CNGA1: variants seen among roughly 807,000 people sequenced by gnomAD.
The protein encoded by CNGA1 is cyclic nucleotide gated channel subunit alpha 1, also known as cyclic nucleotide-gated channel alpha-1.
CNGA1 carries 53 observed loss-of-function variants against 69.7 expected under a neutral mutation model. The ratio of observed to expected loss-of-function variants is 0.76; its 90% CI spans 0.61 to 0.96. The LOEUF is 0.96. Ranked by LOEUF, CNGA1 falls within the 40% of genes least tolerant of loss-of-function variation. The pLI is 0.00. For missense variants in CNGA1, 739 were observed against 811.2 expected (o/e 0.91, Z 1.08); for synonymous variants, 249 against 283.5 (o/e 0.88, Z 1.22).
chr4:47,998,992 G>T (rs1453252106), intron 2 of CNGA1, among the ~76,000 whole-genome samples: 2 of 152,094 alleles, frequency 1.3e-5, no homozygotes, highest in African/African-American at 4.8e-5. Context: ...ATTATCAGAA[G>T]GTCAATAGTA....
rs536418532 is a variant in CNGA1, at chr4:47,976,260, CAT to C, written c.-15+5131_-15+5132del. Among the ~76,000 whole-genome samples the C allele has an allele frequency of 4.9e-3, 113 of 22,936 alleles. 7 individuals are homozygous for C. The highest frequency in any genetic ancestry group is 7.4e-3 in the African/African-American group (17 of 2,302). The allele number at this position is 22,936 out of a possible 152,430, so 15.0% of individuals were successfully genotyped here. A position where few individuals can be genotyped will look rare whatever the true frequency, so the allele number is the denominator to read the frequency against. ...ATATATGTATATATATATACACATA[CAT>C]ATATATATACATATATATGTATATA... On this transcript the variant is annotated intron_variant, in intron 3 of 10. Coordinates refer to ENST00000514170, the MANE Select transcript of CNGA1 (RefSeq NM_001379270.1).
At chr4:47,995,763 TTTGGG>T (rs1402582779) in intron 2 of CNGA1, among the ~76,000 whole-genome samples, 2 of 152,114 alleles carry the variant, frequency 1.3e-5, no homozygotes, top group Non-Finnish European at 2.9e-5. Context: ...TTCCTTCTCA[TTTGGG>T]TTGGCTCTAT....
Position 47,936,304 on chromosome 4 carries a change from T to TCCTCATGGAAAAATTTC in CNGA1, c.*100_*116dup, listed in dbSNP as rs1347622583. On this transcript the variant is annotated 3_prime_UTR_variant, in exon 11 of 11. Coordinates refer to ENST00000514170, the MANE Select transcript of CNGA1 (RefSeq NM_001379270.1). ...TTGTACCTTGCACCAAAGCACATTT[T>TCCTCATGGAAAAATTTC]CCTCATGGAAAAATTTCCCAACTGA... 1.8e-6 allele frequency: 2 copies of TCCTCATGGAAAAATTTC among 1,106,790 alleles called. No individual in the cohort carries two copies. Among genetic ancestry groups the TCCTCATGGAAAAATTTC allele is most frequent in the Non-Finnish European group, 2.7e-6 (2 of 741,950 alleles). 68.6% of individuals were successfully genotyped at this position (1,106,790 alleles called of 1,614,324 possible).
At chr4:47,991,040 C>A (rs902511897) in intron 2 of CNGA1, among the ~76,000 whole-genome samples, 2 of 152,122 alleles carry the variant, frequency 1.3e-5, no homozygotes, top group Admixed American at 6.6e-5. Flanking sequence ...ACCATGATCT[C>A]TTTATCCACT....
At chr4:47,951,213 G>A in intron 5 of CNGA1, 140 bp downstream of exon 5, 2 of 660,312 alleles carry the variant, frequency 3.0e-6, no homozygotes, top group South Asian at 3.1e-5. Flanking sequence ...TTTGATTATT[G>A]GAACGCTAAG....
At chr4:48,000,414 G>A (rs1714616763) in intron 2 of CNGA1, among the ~76,000 whole-genome samples, 1 of 151,088 alleles carries the variant, frequency 6.6e-6, no homozygotes, top group Non-Finnish European at 1.5e-5. Flanking sequence ...TTGTTGCCCA[G>A]GCTGGAGTGC....
At chr4:47,938,015 G>A (rs1738785046) in intron 10 of CNGA1, among the ~76,000 whole-genome samples, 186 bp from the exon 11 acceptor site, 1 of 151,672 alleles carries the variant, frequency 6.6e-6, no homozygotes. Context: ...TTCTGCTGTA[G>A]AAATAAAAGG....
chr4:47,986,051 C>T (rs1278261601), intron 2 of CNGA1, among the ~76,000 whole-genome samples: 2 of 152,150 alleles, frequency 1.3e-5, no homozygotes, highest in Admixed American at 6.6e-5. Flanking sequence ...CAGCATATTG[C>T]TGAGGGCTTA....
In CNGA1 at chr4:47,952,571, G is replaced by A. The variant is rs964017645; in HGVS notation, c.107+12C>T. The A allele has an allele frequency of 3.1e-6, 5 of 1,611,576 alleles. No individual in the cohort carries two copies. In the African/African-American group the frequency reaches 4.0e-5, roughly 13 times the overall value. ...TAATAATAAAAATGCATGGGAAAAT[G>A]TTTGGATTTACCTGCATGCTCCATT... is the stretch of plus-strand genomic sequence containing the variant. On this transcript the variant is annotated intron_variant, in intron 4 of 10. Coordinates refer to ENST00000514170, the MANE Select transcript of CNGA1 (RefSeq NM_001379270.1).
chr4:47,999,305 G>C (rs1262980525), intron 2 of CNGA1, among the ~76,000 whole-genome samples: 2 of 152,198 alleles, frequency 1.3e-5, no homozygotes. Flanking sequence ...GGGGGTCTTG[G>C]AACATATTCC....
intron 3 of CNGA1, among the ~76,000 whole-genome samples, chr4:47,955,398 G>A (rs1350289035): frequency 6.6e-6 from 1 of 151,898 alleles, no homozygotes; most frequent in East Asian, 1.9e-4. Flanking sequence ...GGTCAGGCTG[G>A]TCTCCAACTC....
At chr4:47,940,200 G>A (rs957158393) in intron 10 of CNGA1, among the ~76,000 whole-genome samples, 5 of 152,168 alleles carry the variant, frequency 3.3e-5, no homozygotes, top group South Asian at 2.1e-4. Flanking sequence ...TCAATTTTAC[G>A]TAATGATTCT....
intron 2 of CNGA1, among the ~76,000 whole-genome samples, chr4:48,005,209 C>T (rs1040305621): frequency 5.3e-5 from 8 of 151,958 alleles, no homozygotes; most frequent in East Asian, 1.9e-4. Flanking sequence ...CCTCCGCCTC[C>T]GAGGTTCAAG....
Position 47,936,312 on chromosome 4 carries a change from G to C in CNGA1, c.*109C>G. On this transcript the variant is annotated 3_prime_UTR_variant, in exon 11 of 11. Transcript: ENST00000514170. ...TGCACCAAAGCACATTTTCCTCATG[G>C]AAAAATTTCCCAACTGAGTCTTCCT... 8.0e-7 allele frequency: 1 copy of C among 1,250,738 alleles called. No homozygotes were observed. Among genetic ancestry groups the C allele is most frequent in the African/African-American group, 1.5e-5 (1 of 67,342 alleles). The allele number at this position is 1,250,738 out of a possible 1,614,324, so 77.5% of individuals were successfully genotyped here.
At chr4:47,959,471 A>G (rs1448893967) in intron 3 of CNGA1, among the ~76,000 whole-genome samples, 2 of 152,194 alleles carry the variant, frequency 1.3e-5, no homozygotes, top group Admixed American at 1.3e-4. Flanking sequence ...CACCACAAAA[A>G]TTAATTCAAT....
intron 10 of CNGA1, 33 bp downstream of exon 10, chr4:47,940,730 A>G: frequency 1.5e-6 from 2 of 1,354,420 alleles, no homozygotes; most frequent in Non-Finnish European, 2.1e-6. Flanking sequence ...AAAAGCATGA[A>G]ATTTTAAAAT....
chr4:47,980,698 C>G (rs1005280244), intron 3 of CNGA1, among the ~76,000 whole-genome samples: 9 of 152,060 alleles, frequency 5.9e-5, no homozygotes, highest in African/African-American at 1.9e-4. Context: ...TGGTCTCCAA[C>G]TGTTGGGCTC....
At chr4:47,997,288 A>G (rs1384175778) in intron 2 of CNGA1, among the ~76,000 whole-genome samples, 2 of 152,188 alleles carry the variant, frequency 1.3e-5, no homozygotes, top group Admixed American at 6.6e-5. Flanking sequence ...GCCTACCCCT[A>G]ACATTAACAG....
chr4:47,970,812 T>A (rs1019975081), intron 3 of CNGA1: 4 of 444,594 alleles, frequency 9.0e-6, no homozygotes, highest in African/African-American at 8.2e-5. Flanking sequence ...GTATTTCATC[T>A]ATGGGACCTC....
Sources: allele counts gnomAD v4.1 joint callset (sites outside exome capture counted in the v4.1 genomes callset), GRCh38; gene constraint gnomAD v4.1.1; transcripts MANE v1.5; gene names NCBI Gene and HGNC (gene_info 2026-07-23, HGNC 2026-07-21).